The following B3GALT2 variants were observed in gnomAD, a reference collection of about 807,000 sequenced individuals.
B3GALT2 encodes UDP-Gal:betaGlcNAc beta 1,3-galactosyltransferase, polypeptide 2.
A neutral mutation model predicts 33.5 loss-of-function variants in B3GALT2; 13 were observed. That is an observed-to-expected ratio of 0.39 (90% CI 0.25 to 0.62). The LOEUF is 0.62. Ranked by LOEUF, B3GALT2 falls within the 20% of genes least tolerant of loss-of-function variation. The pLI, the probability that B3GALT2 is intolerant of heterozygous loss-of-function variation, is 0.53. For missense variants in B3GALT2, 418 were observed against 509.1 expected, an observed-to-expected ratio of 0.82 and a Z score of 1.72; for synonymous variants, 195 against 172.7, an observed-to-expected ratio of 1.13 and a Z score of -1.01.
rs538307429 is a variant in B3GALT2, at chr1:193,185,767, A to G, written c.-121+252T>C. ...ATTTCTTAAGGAATCCTTTAAACAC[A>G]TCTTCTTCTTATTTGCCTTTTCCCT... On this transcript the variant is annotated intron_variant, in intron 1 of 1. Transcript: ENST00000367434. Among the ~76,000 whole-genome samples, 17 of 152,256 alleles carry G rather than the reference A, an allele frequency of 1.1e-4. No homozygotes were observed. In the East Asian group the frequency reaches 2.9e-3, roughly 26 times the overall value.
At position 193,180,908 on chromosome 1, in the gene B3GALT2, C is replaced by G. The variant is rs368908280; in HGVS notation, c.655G>C (p.Glu219Gln). 6.2e-7 allele frequency: 1 copy of G among 1,613,714 alleles called. No homozygotes were observed. Among genetic ancestry groups the G allele is most frequent in the Non-Finnish European group, 8.5e-7 (1 of 1,179,952 alleles). ...SRQYHDIIQQEYLDTYYNLTI... is the reference protein window; with the variant it reads ...SRQYHDIIQQQYLDTYYNLTI... The stretch of plus-strand genomic sequence containing the variant: ...AAATTATAGTACGTATCTAAGTATT[C>G]CTGTTGAATTATATCATGATATTGT... The change falls in exon 2 of 2, where the codon GAA (glutamate) becomes CAA (glutamine). Residue 219 changes from glutamate to glutamine, a missense_variant. Glu to Gln is a conservative substitution (Grantham distance 29). Transcript: ENST00000367434.
intron 1 of B3GALT2, among the ~76,000 whole-genome samples, chr1:193,185,602 T>C (rs922199643): frequency 2.0e-5 from 3 of 152,146 alleles, no homozygotes; most frequent in African/African-American, 4.8e-5. Flanking sequence ...TACTATTTAA[T>C]GAAATTTCAC....
At position 193,179,929 on chromosome 1, in the gene B3GALT2, C is replaced by G. The variant is rs944321292; in HGVS notation, c.*365G>C. ...TATATATTAAAATGAAAAGCTTAAT[C>G]TAAAATGAAGGATCTTTTGACTGTC... is the stretch of plus-strand genomic sequence containing the variant. On this transcript the variant is annotated 3_prime_UTR_variant, in exon 2 of 2. Transcript: ENST00000367434. The G allele has an allele frequency of 1.9e-5, 3 of 156,620 alleles. No individual in the cohort carries two copies. Among genetic ancestry groups the G allele is most frequent in the African/African-American group, 7.2e-5 (3 of 41,600 alleles). The allele number at this position is 156,620 out of a possible 1,614,324, so 9.7% of individuals were successfully genotyped here. A position where few individuals can be genotyped will look rare whatever the true frequency, so the allele number is the denominator to read the frequency against.
In B3GALT2 at chr1:193,181,408, C is replaced by G; in HGVS notation, c.155G>C (p.Arg52Thr). 1 of 1,614,038 alleles carries G rather than the reference C, an allele frequency of 6.2e-7. No homozygotes were observed. The highest frequency in any genetic ancestry group is 8.5e-7 in the Non-Finnish European group (1 of 1,179,920). Residue 52 changes from arginine to threonine, a missense_variant, in exon 2 of 2, where the codon AGA (arginine) becomes ACA (threonine). Arg to Thr is a moderately conservative substitution (Grantham distance 71). Around this residue, in one of 3 missense-constraint regions of B3GALT2, gnomAD observed 188 missense variants for 197.5 expected, o/e 0.95. Coordinates refer to ENST00000367434, the MANE Select transcript of B3GALT2 (RefSeq NM_003783.3). ...CACAGGGTTTTCTTTGAATCCAGCT[C>G]TGCCTGGCAGCCAGTCATGATGATT... Reference protein sequence around the residue: ...FFNHHDWLPGRAGFKENPVTY... With the variant: ...FFNHHDWLPGTAGFKENPVTY...
At chr1:193,184,196 A>C (rs1676767217) in intron 1 of B3GALT2, among the ~76,000 whole-genome samples, 2 of 151,930 alleles carry the variant, frequency 1.3e-5, no homozygotes, top group African/African-American at 4.8e-5. Flanking sequence ...ATATATAACT[A>C]TAAATCTCCC....
intron 1 of B3GALT2, among the ~76,000 whole-genome samples, chr1:193,184,906 A>G (rs1248103174): frequency 6.6e-6 from 1 of 151,988 alleles, no homozygotes; most frequent in African/African-American, 2.4e-5. Context: ...TTAGATAATT[A>G]CTGAGTTGTG....
At position 193,181,149 on chromosome 1, in the gene B3GALT2, A is replaced by G. The variant is rs1483214725; in HGVS notation, c.414T>C (p.Tyr138=). The change falls in exon 2 of 2, where the codon TAT becomes TAC. Residue 138 remains tyrosine, a synonymous_variant. Coordinates refer to ENST00000367434, the MANE Select transcript of B3GALT2 (RefSeq NM_003783.3). The part of the protein sequence containing the change: ...TGHPNSYHFK[Y]IINEPEKCQE... ...GGCATTTTTCAGGCTCATTAATAAT[A>G]TATTTGAAATGGTAAGAATTTGGAT... 6 of 1,613,832 alleles carry G rather than the reference A, an allele frequency of 3.7e-6. No homozygotes were observed. The East Asian group carries it at 6.7e-5, about 18-fold the overall frequency.
In B3GALT2 at chr1:193,181,550, TCC is replaced by T; in HGVS notation, c.11_12del (p.Trp4Ter). ...TTTGCAAAGCAGCAGTGTCTTCTCC[TCC>T]ACTGAAGCATGTTGTAAATATCCAG... MLQ[W>X]RRRHCCFAKM... On this transcript the variant is annotated frameshift_variant, in exon 2 of 2. Coordinates refer to ENST00000367434, the MANE Select transcript of B3GALT2 (RefSeq NM_003783.3). LOFTEE classifies it high-confidence loss of function. 6.3e-7 allele frequency: 1 copy of T among 1,587,360 alleles called. No individual in the cohort carries two copies. Among genetic ancestry groups the T allele is most frequent in the Non-Finnish European group, 8.5e-7 (1 of 1,169,674 alleles).
chr1:193,181,832 A>G, intron 1 of B3GALT2, 150 bp from the exon 2 acceptor site: 1 of 384,790 alleles, frequency 2.6e-6, no homozygotes, highest in Non-Finnish European at 4.6e-6. Flanking sequence ...ACATAACATC[A>G]CTGAGAACAA....
chr1:193,184,527 T>TG (rs1310216889), intron 1 of B3GALT2, among the ~76,000 whole-genome samples: 2 of 151,930 alleles, frequency 1.3e-5, no homozygotes, highest in Non-Finnish European at 2.9e-5. Flanking sequence ...ATGAAGTTCA[T>TG]GGGGAGAATG....
At chr1:193,184,631 A>G (rs1485084362) in intron 1 of B3GALT2, among the ~76,000 whole-genome samples, 1 of 151,974 alleles carries the variant, frequency 6.6e-6, no homozygotes, top group Non-Finnish European at 1.5e-5. Flanking sequence ...GGTTTAATAG[A>G]AAAACTTACA....
chr1:193,180,658 A>G lies in B3GALT2; in HGVS notation c.905T>C (p.Leu302Pro). Residue 302 changes from leucine (L) to proline (P), a missense_variant, in exon 2 of 2, where the codon CTC (leucine) becomes CCC (proline). Physicochemically the swap from Leu to Pro is moderately conservative, Grantham distance 98. Coordinates refer to ENST00000367434, the MANE Select transcript of B3GALT2 (RefSeq NM_003783.3). ...GACAGGATAACGCTCACTTGGGTAG[A>G]GGTCTGGTGGCATGTACCACTTGCT... ...KDSKWYMPPDLYPSERYPVFC... is the reference protein window; with the variant it reads ...KDSKWYMPPDPYPSERYPVFC... The G allele has an allele frequency of 1.2e-6, 2 of 1,614,120 alleles. No homozygotes were observed. Among genetic ancestry groups the G allele is most frequent in the Non-Finnish European group, 1.7e-6 (2 of 1,179,960 alleles).
Position 193,179,431 on chromosome 1 carries a change from A to G in B3GALT2, c.*863T>C, listed in dbSNP as rs1278123929. On this transcript the variant is annotated 3_prime_UTR_variant, in exon 2 of 2. Transcript: ENST00000367434. Reference sequence around the variant, plus strand: ...TTAAGTGATTACTTTTGCTTCGATTATCTTTACAGATATATTCGAAGTTAG... The same window carrying G: ...TTAAGTGATTACTTTTGCTTCGATTGTCTTTACAGATATATTCGAAGTTAG... The G allele has an allele frequency of 6.5e-6, 1 of 152,674 alleles. No homozygotes were observed. The highest frequency in any genetic ancestry group is 1.9e-4 in the East Asian group (1 of 5,204). 9.5% of individuals were successfully genotyped at this position (152,674 alleles called of 1,614,324 possible). A position where few individuals can be genotyped will look rare whatever the true frequency, so the allele number is the denominator to read the frequency against.
chr1:193,185,062 T>C (rs1676782801), intron 1 of B3GALT2, among the ~76,000 whole-genome samples: 1 of 152,064 alleles, frequency 6.6e-6, no homozygotes, highest in East Asian at 1.9e-4. Flanking sequence ...ACACATATAG[T>C]GGCGGTAGTT....
rs1030467323 is a variant in B3GALT2 at position 193,182,616 on chromosome 1, G to A, written c.-120-934C>T. Among the ~76,000 whole-genome samples the A allele has an allele frequency of 5.3e-5, 8 of 152,048 alleles. No individual in the cohort carries two copies. The East Asian group carries it at 7.7e-4, about 15-fold the overall frequency. ...GTTAAACTTTTAGAACTTGTCATTA[G>A]CACAGTTAGAGCCCTATATTTTAAA... On this transcript the variant is annotated intron_variant, in intron 1 of 1. Coordinates refer to ENST00000367434, the MANE Select transcript of B3GALT2 (RefSeq NM_003783.3).
At position 193,179,442 on chromosome 1, in the gene B3GALT2, T is replaced by C. The variant is rs1337471111; in HGVS notation, c.*852A>G. On this transcript the variant is annotated 3_prime_UTR_variant, in exon 2 of 2. Transcript: ENST00000367434. ...CTTTTGCTTCGATTATCTTTACAGA[T>C]ATATTCGAAGTTAGATATACATGAA... The C allele has an allele frequency of 1.3e-5, 2 of 152,646 alleles. No individual in the cohort carries two copies. Among genetic ancestry groups the C allele is most frequent in the Admixed American group, 1.3e-4 (2 of 15,282 alleles). The allele number at this position is 152,646 out of a possible 1,614,324, so 9.5% of individuals were successfully genotyped here.
At chr1:193,184,442 A>G (rs1390790208) in intron 1 of B3GALT2, among the ~76,000 whole-genome samples, 3 of 151,984 alleles carry the variant, frequency 2.0e-5, no homozygotes, top group Non-Finnish European at 4.4e-5. Flanking sequence ...TTACATTTTT[A>G]GAAGAGAAAT....
chr1:193,182,982 G>C (rs1417421552), intron 1 of B3GALT2, among the ~76,000 whole-genome samples: 37 of 151,924 alleles, frequency 2.4e-4, no homozygotes. Context: ...TGAAATTACA[G>C]TGTATGCATA....
chr1:193,179,707 T>C lies in B3GALT2; in HGVS notation c.*587A>G, dbSNP rs1676678429. The C allele has an allele frequency of 6.6e-6, 1 of 152,546 alleles. No individual in the cohort carries two copies. Among genetic ancestry groups the C allele is most frequent in the Admixed American group, 6.5e-5 (1 of 15,282 alleles). The allele number at this position is 152,546 out of a possible 1,614,324, so 9.4% of individuals were successfully genotyped here. ...TATTAATAAAAGAAATTTAAAATAA[T>C]ATCTCAGTTATTTTTAAAAAGTAAA... On this transcript the variant is annotated 3_prime_UTR_variant, in exon 2 of 2. Transcript: ENST00000367434.
Sources: gnomAD v4.1 joint callset for allele counts (sites outside exome capture counted in the v4.1 genomes callset) on GRCh38, gnomAD v4.1.1 for gene constraint, gnomAD v4.1.1 regional missense constraint, MANE v1.5 for transcripts, NCBI Gene and HGNC (gene_info 2026-07-23, HGNC 2026-07-21) for gene names.